CDK17: variants seen among roughly 807,000 people sequenced by gnomAD.
CDK17 encodes the protein cyclin dependent kinase 17, also known as cyclin-dependent kinase 17.
A neutral mutation model predicts 77.6 loss-of-function variants in CDK17; 24 were observed. The ratio of observed to expected loss-of-function variants is 0.31; its 90% CI spans 0.22 to 0.44. The LOEUF (loss-of-function observed/expected upper bound fraction) is 0.44. Among genes scored for constraint, CDK17 ranks in the 20% least tolerant of loss-of-function variants. The pLI, the probability that CDK17 is intolerant of heterozygous loss-of-function variation, is 1.00. For synonymous variants in CDK17, 203 were observed against 210.4 expected, an observed-to-expected ratio of 0.96 and a Z score of 0.30; for missense variants, 429 against 622.5, an observed-to-expected ratio of 0.69 and a Z score of 3.31.
Position 96,320,522 on chromosome 12 carries a change from A to G in CDK17, c.283+3426T>C, listed in dbSNP as rs1204882698. On this transcript the variant is annotated intron_variant, in intron 3 of 16. Transcript: ENST00000261211. ...CAAGTCAATCCTAAGCCAAAAGAAC[A>G]AAGCTGGAGGCATCACGCTACCTGA... Among the ~76,000 whole-genome samples, 533 of 148,114 alleles carry G rather than the reference A, an allele frequency of 3.6e-3. 6 individuals carry two copies. Among genetic ancestry groups the G allele is most frequent in the African/African-American group, 0.012 (504 of 40,496 alleles).
intron 4 of CDK17, among the ~76,000 whole-genome samples, chr12:96,312,170 T>C (rs2137106238): frequency 6.6e-6 from 1 of 152,252 alleles, no homozygotes; most frequent in Non-Finnish European, 1.5e-5. Context: ...TCCCAGCTAC[T>C]TGGGGCTAAG....
At chr12:96,327,829 G>A (rs1952911184) in intron 2 of CDK17, among the ~76,000 whole-genome samples, 1 of 152,050 alleles carries the variant, frequency 6.6e-6, no homozygotes, top group Admixed American at 6.6e-5. Context: ...GGATTACAAT[G>A]AGCCACCATG....
At chr12:96,345,769 C>A (rs548495596) in intron 1 of CDK17, among the ~76,000 whole-genome samples, 36 of 151,716 alleles carry the variant, frequency 2.4e-4, no homozygotes, top group Non-Finnish European at 3.4e-4. Flanking sequence ...CACTAAAAAA[C>A]TAACTATAAA....
At chr12:96,299,387 AAT>A (rs1491394592) in intron 6 of CDK17, among the ~76,000 whole-genome samples, 72 of 111,204 alleles carry the variant, frequency 6.5e-4, no homozygotes, top group African/African-American at 2.7e-3. Context: ...TTAAATGATA[AAT>A]TTTTTTTTTT....
At chr12:96,371,243 C>T (rs987305302) in intron 1 of CDK17, among the ~76,000 whole-genome samples, 1 of 151,688 alleles carries the variant, frequency 6.6e-6, no homozygotes, top group African/African-American at 2.4e-5. Flanking sequence ...TTCTACAATA[C>T]CAGATTATCT....
rs934245081 is a variant in CDK17 at position 96,289,311 on chromosome 12, G to A, written c.998-24C>T. 4.3e-6 allele frequency: 7 copies of A among 1,612,968 alleles called. No individual in the cohort carries two copies. In the Admixed American group the frequency reaches 1.2e-4, roughly 27 times the overall value. ...TCCTTCATAGGGAAAATAAAACAAA[G>A]GGTTAAGAAAAAGCTTTAATGGATC... On this transcript the variant is annotated intron_variant, in intron 10 of 16. Transcript: ENST00000261211.
chr12:96,395,258 G>A (rs979875568), intron 1 of CDK17, among the ~76,000 whole-genome samples: 1 of 152,162 alleles, frequency 6.6e-6, no homozygotes, highest in Non-Finnish European at 1.5e-5. Context: ...TTTATATACT[G>A]CAATCTTTTA....
chr12:96,388,935 T>C (rs2137240675), intron 1 of CDK17, among the ~76,000 whole-genome samples: 1 of 152,222 alleles, frequency 6.6e-6, no homozygotes, highest in African/African-American at 2.4e-5. Flanking sequence ...CGATCTCACA[T>C]GAACTCACTC....
chr12:96,366,389 T>C (rs1953583137), intron 1 of CDK17, among the ~76,000 whole-genome samples: 1 of 152,132 alleles, frequency 6.6e-6, no homozygotes, highest in Admixed American at 6.6e-5. Context: ...AAAATATCCA[T>C]CTGAAAACCA....
Position 96,313,395 on chromosome 12 carries a change from T to C in CDK17, c.343A>G (p.Thr115Ala). ...SDGESDQASG[T>A]SSDEVQSPTG... Reference sequence around the variant, plus strand: ...GGTGACTGGACTTCATCAGATGATGTCCCAGAAGCTTGGTCACTCTCACCA... The same window carrying C: ...GGTGACTGGACTTCATCAGATGATGCCCCAGAAGCTTGGTCACTCTCACCA... The change falls in exon 4 of 17, where the codon ACA becomes GCA. Residue 115 changes from threonine (T) to alanine (A), a missense_variant. Physicochemically the swap from Thr to Ala is moderately conservative, Grantham distance 58. Around this residue, in one of 4 missense-constraint regions of CDK17, gnomAD observed 262 missense variants for 385.4 expected, o/e 0.68. Coordinates refer to ENST00000261211, the MANE Select transcript of CDK17 (RefSeq NM_002595.5). The C allele has an allele frequency of 6.2e-7, 1 of 1,600,178 alleles. No homozygotes were observed. Among genetic ancestry groups the C allele is most frequent in the Non-Finnish European group, 8.5e-7 (1 of 1,173,904 alleles).
At chr12:96,385,694 GATA>G (rs1165793909) in intron 1 of CDK17, among the ~76,000 whole-genome samples, 1 of 151,986 alleles carries the variant, frequency 6.6e-6, no homozygotes, top group African/African-American at 2.4e-5. Context: ...GAAAAGCCAA[GATA>G]ATATTTGAAA....
intron 5 of CDK17, among the ~76,000 whole-genome samples, chr12:96,304,821 T>C (rs1952556083): frequency 6.6e-6 from 1 of 151,546 alleles, no homozygotes; most frequent in Non-Finnish European, 1.5e-5. Flanking sequence ...ACATTCCATC[T>C]TATATTTCTA....
At chr12:96,396,122 A>C (rs141807528) in intron 1 of CDK17, among the ~76,000 whole-genome samples, 145 of 152,356 alleles carry the variant, frequency 9.5e-4, no homozygotes, top group Middle Eastern at 3.4e-3. Context: ...ACTGCAGAAC[A>C]CGGTAACATT....
At chr12:96,386,746 A>T (rs1422118734) in intron 1 of CDK17, 1 of 152,416 alleles carries the variant, frequency 6.6e-6, no homozygotes, top group Non-Finnish European at 1.5e-5. Context: ...AAAAAATTTA[A>T]AAATAAAAAT....
chr12:96,311,957 A>G (rs528832652), intron 4 of CDK17, among the ~76,000 whole-genome samples: 6 of 152,312 alleles, frequency 3.9e-5, no homozygotes, highest in African/African-American at 1.2e-4. Flanking sequence ...AAAAATCCAA[A>G]AACATTCTAA....
At chr12:96,307,914 T>G (rs955015785) in intron 5 of CDK17, among the ~76,000 whole-genome samples, 1 of 152,148 alleles carries the variant, frequency 6.6e-6, no homozygotes, top group Non-Finnish European at 1.5e-5. Context: ...TAAGCAGTGA[T>G]GCTAAATTAT....
At chr12:96,316,753 G>A (rs1164932319) in intron 3 of CDK17, among the ~76,000 whole-genome samples, 8 of 127,018 alleles carry the variant, frequency 6.3e-5, no homozygotes, top group African/African-American at 1.2e-4. Flanking sequence ...GGTCCTGTCT[G>A]TTAGAAGGAA....
At chr12:96,300,394 C>CCT in intron 5 of CDK17, 34 bp from the exon 6 acceptor site, 1 of 924,834 alleles carries the variant, frequency 1.1e-6, no homozygotes, top group Middle Eastern at 3.1e-4. Context: ...GTAGTATTTA[C>CCT]TTTTTTTTTT....
At chr12:96,286,803 A>G in intron 11 of CDK17, 42 bp from the exon 12 acceptor site, 1 of 1,491,018 alleles carries the variant, frequency 6.7e-7, no homozygotes, top group Non-Finnish European at 9.3e-7. Flanking sequence ...ATTCATTTAC[A>G]TATTATGAAG....
Sources: allele counts gnomAD v4.1 joint callset (sites outside exome capture counted in the v4.1 genomes callset), GRCh38; gene constraint gnomAD v4.1.1; regional missense constraint gnomAD v4.1.1; transcripts MANE v1.5; gene names NCBI Gene and HGNC (gene_info 2026-07-23, HGNC 2026-07-21).